The following DNAH9 variants were observed in gnomAD, a reference collection of about 807,000 sequenced individuals.
The protein encoded by DNAH9 is DNAH9 variant protein.
A neutral mutation model predicts 471.6 loss-of-function variants in DNAH9; 345 were observed. The observed-to-expected ratio is 0.73, with a 90% CI of 0.67 to 0.80. DNAH9 has a LOEUF of 0.80. DNAH9 is among the 30% of genes least tolerant of loss of function. DNAH9 has a pLI of 0.00. For missense variants in DNAH9, 5,407 were observed against 5,609.2 expected (o/e 0.96, Z 1.15); for synonymous variants, 2,093 against 2,123.6 (o/e 0.99, Z 0.40).
At chr17:11,779,865 T>A in intron 38 of DNAH9, among the ~76,000 whole-genome samples, 1 of 152,356 alleles carries the variant, frequency 6.6e-6, no homozygotes, top group Middle Eastern at 3.4e-3. Flanking sequence ...AACACTTAAT[T>A]TAACTCAGGA....
Position 11,793,637 on chromosome 17 carries a change from G to T in DNAH9, c.8196G>T (p.Gln2732His). ...EKDFDLFDKI[Q>H]TEVLKKTFDD... ...ACTTTGATCTTTTTGATAAAATCCA[G>T]ACAGAAGTGCTCAAGAAAACTTTTG... Residue 2732 changes from glutamine to histidine, a missense_variant, in exon 42 of 69, where the codon CAG (glutamine) becomes CAT (histidine). By Grantham distance (24) the Gln-to-His change is conservative (BLOSUM62 0). Coordinates refer to ENST00000262442, the MANE Select transcript of DNAH9 (RefSeq NM_001372.4). 6.2e-7 allele frequency: 1 copy of T among 1,612,682 alleles called. No homozygotes were observed. The highest frequency in any genetic ancestry group is 8.5e-7 in the Non-Finnish European group (1 of 1,179,670).
At chr17:11,861,438 G>C (rs547400569) in intron 50 of DNAH9, among the ~76,000 whole-genome samples, 1 of 150,452 alleles carries the variant, frequency 6.6e-6, no homozygotes, top group South Asian at 2.1e-4. Context: ...TGGACATTTG[G>C]GTTGGTTCCA....
chr17:11,757,446 C>T, intron 34 of DNAH9, 99 bp from the exon 35 acceptor site: 1 of 1,160,568 alleles, frequency 8.6e-7, no homozygotes, highest in Non-Finnish European at 1.2e-6. Context: ...TCAGTCCAGT[C>T]TTCTGTACAT....
intron 17 of DNAH9, among the ~76,000 whole-genome samples, chr17:11,678,872 T>C (rs888918055): frequency 2.6e-5 from 4 of 152,150 alleles, no homozygotes; most frequent in African/African-American, 9.6e-5. Context: ...TATACTTATG[T>C]GTGATGTTTT....
At chr17:11,748,922 G>A (rs1033347375) in intron 32 of DNAH9, among the ~76,000 whole-genome samples, 1 of 152,016 alleles carries the variant, frequency 6.6e-6, no homozygotes, top group Non-Finnish European at 1.5e-5. Context: ...TTCATCTGAG[G>A]TCTAGAACAC....
At chr17:11,878,973 A>G (rs188515771) in intron 53 of DNAH9, among the ~76,000 whole-genome samples, 670 of 152,320 alleles carry the variant, frequency 4.4e-3, no homozygotes, top group Non-Finnish European at 7.4e-3. Context: ...GTGGTTAGCT[A>G]TTGTTTCAAT....
At chr17:11,599,470 C>A (rs1352625580) in intron 1 of DNAH9, among the ~76,000 whole-genome samples, 1 of 152,132 alleles carries the variant, frequency 6.6e-6, no homozygotes, top group Non-Finnish European at 1.5e-5. Flanking sequence ...ATTTTCATCT[C>A]ATTCATTCAT....
chr17:11,702,333 A>C (rs1416099326), intron 24 of DNAH9, among the ~76,000 whole-genome samples: 12 of 152,242 alleles, frequency 7.9e-5, no homozygotes, highest in Non-Finnish European at 1.5e-5. Flanking sequence ...AGCCAGACCT[A>C]ACAAGAAATG....
intron 27 of DNAH9, among the ~76,000 whole-genome samples, chr17:11,722,090 G>C (rs1043729720): frequency 2.0e-5 from 3 of 152,164 alleles, no homozygotes; most frequent in African/African-American, 4.8e-5. Flanking sequence ...TGGGAGAGGA[G>C]AAAAAGGGTG....
At chr17:11,612,148 C>A in intron 4 of DNAH9, 1 of 524,078 alleles carries the variant, frequency 1.9e-6, no homozygotes, top group South Asian at 2.3e-5. Context: ...TTGTGTCTTT[C>A]AAACACTGGG....
At position 11,852,234 on chromosome 17, in the gene DNAH9, G is replaced by A. The variant is rs567397109; in HGVS notation, c.9508-1769G>A. Among the ~76,000 whole-genome samples the A allele has an allele frequency of 1.6e-4, 24 of 152,256 alleles. No individual in the cohort carries two copies. In the East Asian group the frequency reaches 4.4e-3, roughly 28 times the overall value. The stretch of plus-strand genomic sequence containing the variant: ...AGAATCTAATTTTTGAAATCAAGTT[G>A]TCCCCCCACTGACAAAGTTAGCGCC... On this transcript the variant is annotated intron_variant, in intron 49 of 68. Coordinates refer to ENST00000262442, the MANE Select transcript of DNAH9 (RefSeq NM_001372.4).
chr17:11,743,139 C>T (rs999255212), intron 30 of DNAH9, among the ~76,000 whole-genome samples: 3 of 152,176 alleles, frequency 2.0e-5, no homozygotes, highest in Non-Finnish European at 4.4e-5. Context: ...TCCGTCAGCT[C>T]TAAGCCCAAG....
At chr17:11,713,262 G>A (rs920710279) in intron 26 of DNAH9, among the ~76,000 whole-genome samples, 34 of 151,976 alleles carry the variant, frequency 2.2e-4, no homozygotes, top group African/African-American at 6.5e-4. Context: ...CATAGTATTC[G>A]GCGGTGTATA....
Position 11,797,577 on chromosome 17 carries a change from T to C in DNAH9, c.8224-20T>C, listed in dbSNP as rs961558110. ...CAGAAGTCAATAATGAGGGCCCTTA[T>C]TCCTGTGTCTCATCACCAGGATATT... On this transcript the variant is annotated intron_variant, in intron 42 of 68. Transcript: ENST00000262442. 1 of 1,597,664 alleles carries C rather than the reference T, an allele frequency of 6.3e-7. No individual in the cohort carries two copies. Among genetic ancestry groups the C allele is most frequent in the Admixed American group, 1.7e-5 (1 of 58,830 alleles).
chr17:11,871,937 C>G (rs1972283222), intron 52 of DNAH9, 151 bp downstream of exon 52: 5 of 826,224 alleles, frequency 6.1e-6, no homozygotes, highest in Non-Finnish European at 9.4e-6. Flanking sequence ...GTACCCGTGT[C>G]CTTCCACACT....
intron 10 of DNAH9, among the ~76,000 whole-genome samples, 191 bp downstream of exon 10, chr17:11,640,575 A>G (rs779008296): frequency 3.9e-5 from 6 of 152,202 alleles, no homozygotes; most frequent in Non-Finnish European, 5.9e-5. Flanking sequence ...ACTGAAGGGC[A>G]GGGCCCTTGG....
At chr17:11,782,935 T>C (rs911429536) in intron 39 of DNAH9, among the ~76,000 whole-genome samples, 2 of 152,154 alleles carry the variant, frequency 1.3e-5, no homozygotes, top group Non-Finnish European at 2.9e-5. Context: ...CATAAATTTA[T>C]TCTATTGGGT....
At position 11,636,763 on chromosome 17, in the gene DNAH9, G is replaced by C; in HGVS notation, c.1765G>C (p.Val589Leu). The C allele has an allele frequency of 6.2e-7, 1 of 1,614,120 alleles. No individual in the cohort carries two copies. Among genetic ancestry groups the C allele is most frequent in the Non-Finnish European group, 8.5e-7 (1 of 1,179,982 alleles). The change falls in exon 9 of 69, where the codon GTC becomes CTC. Residue 589 changes from valine (V) to leucine (L), a missense_variant. Val to Leu is a conservative substitution (Grantham distance 32, BLOSUM62 1). This residue lies in a region of DNAH9 where 4,636 missense variants were observed against 4,900.3 expected (regional missense o/e 0.95). Transcript: ENST00000262442. ...AGTGAGGATGATCTACAGTCAGCAC[G>C]TCCAGGAGGAAGCAGAACTTGGTAG... ...DAVRMIYSQH[V>L]QEEAELGFSP...
At chr17:11,778,329 CAAAAAAAA>C (rs57983162) in intron 38 of DNAH9, among the ~76,000 whole-genome samples, 1,642 of 48,722 alleles carry the variant, frequency 0.034, 68 homozygotes, top group African/African-American at 0.079. Flanking sequence ...GACTCCATCT[CAAAAAAAA>C]AAAAAAAAAA....
Sources: gnomAD v4.1 joint callset for allele counts (sites outside exome capture counted in the v4.1 genomes callset) on GRCh38, gnomAD v4.1.1 for gene constraint, gnomAD v4.1.1 regional missense constraint, MANE v1.5 for transcripts, NCBI Gene and HGNC (gene_info 2026-07-23, HGNC 2026-07-21) for gene names.